AGMO: variants seen among roughly 807,000 people sequenced by gnomAD.
AGMO encodes glyceryl-ether monooxygenase.
AGMO carries 75 observed loss-of-function variants against 60.2 expected under a neutral mutation model. The observed-to-expected ratio is 1.25, with a 90% CI of 1.03 to 1.51. The LOEUF (loss-of-function observed/expected upper bound fraction) is 1.51, where lower values mean the gene tolerates loss of function less well. AGMO is among the 40% of genes most tolerant of loss of function. AGMO has a pLI of 0.00. For synonymous variants in AGMO, 261 were observed against 177.1 expected, an observed-to-expected ratio of 1.47 and a Z score of -3.76; for missense variants, 763 against 525.5, an observed-to-expected ratio of 1.45 and a Z score of -4.42.
the AGMO span, among the ~76,000 whole-genome samples, chr7:15,159,082 A>C: frequency 6.6e-6 from 1 of 152,008 alleles, no homozygotes; most frequent in African/African-American, 2.4e-5. Flanking sequence ...AAGAAACAAG[A>C]TTGTTTCTTG....
chr7:15,373,676 T>C (rs1423835434), intron 10 of AGMO, among the ~76,000 whole-genome samples: 4 of 152,140 alleles, frequency 2.6e-5, no homozygotes, highest in Non-Finnish European at 2.9e-5. Flanking sequence ...CATCCTAAAA[T>C]AACAGTATGT....
intron 5 of AGMO, among the ~76,000 whole-genome samples, chr7:15,410,039 T>C (rs549092174): frequency 1.5e-3 from 227 of 151,808 alleles, no homozygotes; most frequent in African/African-American, 5.3e-3. Flanking sequence ...TCATTAAATT[T>C]TCTTTGGAAT....
chr7:15,490,158 A>G (rs551597414), intron 3 of AGMO, among the ~76,000 whole-genome samples: 10 of 152,232 alleles, frequency 6.6e-5, no homozygotes, highest in Non-Finnish European at 1.3e-4. Context: ...TGTTGTAAGC[A>G]TTAAAGATTT....
chr7:15,280,257 G>A (rs569807871), intron 12 of AGMO, among the ~76,000 whole-genome samples: 1 of 152,126 alleles, frequency 6.6e-6, no homozygotes, highest in Non-Finnish European at 1.5e-5. Context: ...GCAGCTGGTG[G>A]AGCAGTGTGG....
the AGMO span, among the ~76,000 whole-genome samples, chr7:15,171,006 C>T: frequency 2.0e-5 from 3 of 152,110 alleles, no homozygotes; most frequent in South Asian, 2.1e-4. Flanking sequence ...GATGGAGTCT[C>T]GCTCTGTCAC....
At chr7:15,354,450 GTGTA>G (rs1563105670) in intron 12 of AGMO, among the ~76,000 whole-genome samples, 2 of 20,122 alleles carry the variant, frequency 9.9e-5, no homozygotes, top group African/African-American at 7.3e-4. Context: ...ACACACGTGT[GTGTA>G]TACACACGTG....
At chr7:15,429,158 C>T (rs2128497705) in intron 4 of AGMO, among the ~76,000 whole-genome samples, 1 of 152,192 alleles carries the variant, frequency 6.6e-6, no homozygotes, top group South Asian at 2.1e-4. Flanking sequence ...TATTTCCTTT[C>T]CACATATATT....
At chr7:15,338,018 T>G (rs1781718350) in intron 12 of AGMO, among the ~76,000 whole-genome samples, 2 of 152,188 alleles carry the variant, frequency 1.3e-5, no homozygotes, top group African/African-American at 4.8e-5. Context: ...TGACCAAAAC[T>G]TTATCTCAGG....
intron 4 of AGMO, among the ~76,000 whole-genome samples, chr7:15,427,020 G>A (rs970992550): frequency 3.9e-5 from 6 of 152,076 alleles, no homozygotes; most frequent in Admixed American, 2.0e-4. Context: ...AGCTTCATTC[G>A]AATGGTGGTC....
the AGMO span, among the ~76,000 whole-genome samples, chr7:15,170,414 G>C: frequency 6.6e-6 from 1 of 152,052 alleles, no homozygotes; most frequent in Non-Finnish European, 1.5e-5. Context: ...GAAAAATATA[G>C]ATAAACAAAA....
intron 12 of AGMO, among the ~76,000 whole-genome samples, chr7:15,317,250 G>C (rs1025400981): frequency 9.2e-5 from 14 of 151,994 alleles, no homozygotes; most frequent in South Asian, 2.1e-4. Context: ...TATTTTTATG[G>C]TAACTCCTGA....
At chr7:15,208,159 C>G (rs1362934898) in intron 12 of AGMO, among the ~76,000 whole-genome samples, 1 of 152,106 alleles carries the variant, frequency 6.6e-6, no homozygotes, top group Non-Finnish European at 1.5e-5. Flanking sequence ...GTTTTCTAAT[C>G]ATCCAAGTTC....
the AGMO span, among the ~76,000 whole-genome samples, chr7:15,151,617 G>A: frequency 6.6e-6 from 1 of 152,204 alleles, no homozygotes; most frequent in East Asian, 1.9e-4. Context: ...GTATGGTTTT[G>A]AGAAATATTC....
chr7:15,241,248 C>A (rs1345392106), intron 12 of AGMO, among the ~76,000 whole-genome samples: 4 of 151,594 alleles, frequency 2.6e-5, no homozygotes, highest in East Asian at 1.9e-4. Flanking sequence ...ATCACGAGGT[C>A]AGGAGATCGA....
chr7:15,150,252 G>C, the AGMO span, among the ~76,000 whole-genome samples: 3 of 152,064 alleles, frequency 2.0e-5, no homozygotes, highest in African/African-American at 7.2e-5. Context: ...TCTGTGAAGA[G>C]AGATAGTTTT....
intron 3 of AGMO, among the ~76,000 whole-genome samples, chr7:15,494,581 CCA>C (rs1423101389): frequency 2.0e-5 from 3 of 152,116 alleles, no homozygotes; most frequent in African/African-American, 7.2e-5. Context: ...TGCTCCTGGA[CCA>C]TGTGCCACAT....
At position 15,363,293 on chromosome 7, in the gene AGMO, AG is replaced by A. The variant is rs1367268005; in HGVS notation, c.1263+2220del. On this transcript the variant is annotated intron_variant, in intron 12 of 12. Coordinates refer to ENST00000342526, the MANE Select transcript of AGMO (RefSeq NM_001004320.2). ...GACTTGGGGATCTCAAGGCAGGCCA[AG>A]GCCAAATAGTTATTTCAAATGATCC... Among the ~76,000 whole-genome samples the A allele has an allele frequency of 6.6e-5, 10 of 152,182 alleles. No individual in the cohort carries two copies. In the South Asian group the frequency reaches 8.3e-4, roughly 13 times the overall value.
chr7:15,204,763 A>T (rs900104684), intron 12 of AGMO, among the ~76,000 whole-genome samples: 4 of 152,184 alleles, frequency 2.6e-5, no homozygotes, highest in African/African-American at 9.6e-5. Context: ...AAGTTCATCA[A>T]TTGGCAGGTG....
intron 9 of AGMO, among the ~76,000 whole-genome samples, chr7:15,386,559 C>G (rs1168131015): frequency 6.6e-6 from 1 of 152,148 alleles, no homozygotes; most frequent in African/African-American, 2.4e-5. Context: ...AAGTGGGAAA[C>G]TTATTCCTAG....
Sources: gnomAD v4.1 joint callset for allele counts (sites outside exome capture counted in the v4.1 genomes callset) on GRCh38, gnomAD v4.1.1 for gene constraint, MANE v1.5 for transcripts, NCBI Gene and HGNC (gene_info 2026-07-23, HGNC 2026-07-21) for gene names.